The following EIF4G3 variants were observed in gnomAD, a reference collection of about 807,000 sequenced individuals.
The protein encoded by EIF4G3 is eIF-4-gamma 3.
In EIF4G3, 34 loss-of-function variants were observed where a neutral mutation model predicts 186.4. That is an observed-to-expected ratio of 0.18 (90% confidence interval 0.14 to 0.24). EIF4G3 has a LOEUF of 0.24. Among genes scored for constraint, EIF4G3 ranks in the 10% least tolerant of loss-of-function variants. EIF4G3 has a pLI of 1.00. For synonymous variants in EIF4G3, 673 were observed against 679.5 expected, an observed-to-expected ratio of 0.99 and a Z score of 0.15; for missense variants, 1,536 against 1,948.5, an observed-to-expected ratio of 0.79 and a Z score of 3.99.
At chr1:20,964,023 T>G (rs966068444) in intron 12 of EIF4G3, among the ~76,000 whole-genome samples, 5 of 152,166 alleles carry the variant, frequency 3.3e-5, no homozygotes, top group African/African-American at 4.8e-5. Context: ...GTATTTATTT[T>G]TACACTACCG....
intron 4 of EIF4G3, among the ~76,000 whole-genome samples, chr1:21,006,740 G>A (rs2085187624): frequency 1.3e-5 from 2 of 152,136 alleles, no homozygotes; most frequent in Non-Finnish European, 2.9e-5. Flanking sequence ...GGCAGAAATG[G>A]TGAATTCCAT....
intron 14 of EIF4G3, among the ~76,000 whole-genome samples, chr1:20,913,109 A>G (rs149010475): frequency 1.3e-5 from 2 of 152,314 alleles, no homozygotes; most frequent in African/African-American, 4.8e-5. Flanking sequence ...GTTATTTGAA[A>G]TGTATGTTGA....
intron 31 of EIF4G3, among the ~76,000 whole-genome samples, chr1:20,828,327 G>T (rs2064201984): frequency 6.6e-6 from 1 of 152,068 alleles, no homozygotes; most frequent in Non-Finnish European, 1.5e-5. Context: ...ATTGCGTCTG[G>T]CCATATATAA....
chr1:20,817,287 TAAAAATAA>T, intron 34 of EIF4G3, 97 bp downstream of exon 34: 15 of 368,076 alleles, frequency 4.1e-5, no homozygotes, highest in Non-Finnish European at 5.2e-5. Flanking sequence ...TAAAAAAAAA[TAAAAATAA>T]AAATTCATGA....
chr1:21,120,555 G>A (rs1414821148), intron 2 of EIF4G3, among the ~76,000 whole-genome samples: 5 of 150,436 alleles, frequency 3.3e-5, no homozygotes, highest in Non-Finnish European at 3.0e-5. Flanking sequence ...GAACCCAGGA[G>A]GCAGAGGCTG....
chr1:20,895,396 G>C lies in EIF4G3; in HGVS notation c.2105C>G (p.Pro702Arg). 6.2e-7 allele frequency: 1 copy of C among 1,613,980 alleles called. No individual in the cohort carries two copies. Among genetic ancestry groups the C allele is most frequent in the Non-Finnish European group, 8.5e-7 (1 of 1,179,902 alleles). Residue 702 changes from proline to arginine, a missense_variant, in exon 17 of 37, where the codon CCT (proline) becomes CGT (arginine). Pro to Arg is a moderately radical substitution (Grantham distance 103). This residue lies in a region of EIF4G3 where 139 missense variants were observed against 192.8 expected (regional missense o/e 0.72). Transcript: ENST00000602326. ...GTCAAGAACCACATCACTGATAGGA[G>C]GCAGGCCCTCTGGTTTTTGTATACA... ...PACIQKPEGLPPISDVVLDKI... is the reference protein window; with the variant it reads ...PACIQKPEGLRPISDVVLDKI...
At chr1:20,843,296 A>T (rs2069397684) in intron 29 of EIF4G3, among the ~76,000 whole-genome samples, 1 of 152,042 alleles carries the variant, frequency 6.6e-6, no homozygotes. Flanking sequence ...CGGGCAGATC[A>T]TTTGAGGTTC....
At chr1:20,962,487 C>A (rs2073545110) in intron 12 of EIF4G3, among the ~76,000 whole-genome samples, 1 of 152,092 alleles carries the variant, frequency 6.6e-6, no homozygotes, top group African/African-American at 2.4e-5. Flanking sequence ...ACCACAGCTG[C>A]AGATCTCAAT....
chr1:21,056,352 T>C (rs2094561590), intron 3 of EIF4G3, among the ~76,000 whole-genome samples: 1 of 152,212 alleles, frequency 6.6e-6, no homozygotes, highest in Non-Finnish European at 1.5e-5. Flanking sequence ...TCAGCTTCAC[T>C]GTGCTCTATT....
At chr1:21,117,798 T>C (rs2096855164) in intron 2 of EIF4G3, among the ~76,000 whole-genome samples, 1 of 147,652 alleles carries the variant, frequency 6.8e-6, no homozygotes, top group South Asian at 2.1e-4. Flanking sequence ...AGTTCGCCTC[T>C]TTAGGGGATA....
intron 3 of EIF4G3, among the ~76,000 whole-genome samples, chr1:21,071,698 C>A (rs1420614997): frequency 6.6e-6 from 1 of 151,050 alleles, no homozygotes; most frequent in East Asian, 2.0e-4. Flanking sequence ...CCCAGCTACT[C>A]AGGAGGCTGA....
intron 4 of EIF4G3, among the ~76,000 whole-genome samples, chr1:21,046,279 T>C (rs1407844684): frequency 2.6e-5 from 4 of 152,220 alleles, no homozygotes; most frequent in African/African-American, 9.6e-5. Context: ...TCTAAAGTCT[T>C]TGACTAATTA....
chr1:21,158,802 T>C (rs1359173339), intron 2 of EIF4G3, among the ~76,000 whole-genome samples: 3 of 152,074 alleles, frequency 2.0e-5, no homozygotes, highest in Non-Finnish European at 4.4e-5. Flanking sequence ...CAAAGATAAC[T>C]AGAGTACATT....
Position 20,923,392 on chromosome 1 carries a change from C to T in EIF4G3, c.1663+18099G>A, listed in dbSNP as rs183952022. Among the ~76,000 whole-genome samples the T allele has an allele frequency of 1.2e-4, 18 of 152,222 alleles. No individual in the cohort carries two copies. In the South Asian group the frequency reaches 2.1e-3, roughly 18 times the overall value. On this transcript the variant is annotated intron_variant, in intron 14 of 36. Coordinates refer to ENST00000602326, the MANE Select transcript of EIF4G3 (RefSeq NM_001391906.1). ...ATCTTCTAGGCCTCTGTTTTTACTG[C>T]TCTGTGTTTTAGGCACTTTTGCATT...
intron 2 of EIF4G3, among the ~76,000 whole-genome samples, chr1:21,092,135 A>G (rs1408050443): frequency 6.6e-6 from 1 of 152,160 alleles, no homozygotes; most frequent in African/African-American, 2.4e-5. Flanking sequence ...GGTTTGTCAT[A>G]AATAGCTCTT....
intron 29 of EIF4G3, among the ~76,000 whole-genome samples, chr1:20,849,169 T>C (rs2072385550): frequency 6.6e-6 from 1 of 151,990 alleles, no homozygotes; most frequent in Non-Finnish European, 1.5e-5. Context: ...TGGTTTTCCC[T>C]TAGTGGGGAT....
chr1:21,044,202 A>G (rs982788533), intron 4 of EIF4G3, among the ~76,000 whole-genome samples: 1 of 152,150 alleles, frequency 6.6e-6, no homozygotes, highest in African/African-American at 2.4e-5. Flanking sequence ...AGTTGATAAT[A>G]TGTGTAAGTT....
At chr1:20,940,759 A>G (rs1435439169) in intron 14 of EIF4G3, among the ~76,000 whole-genome samples, 1 of 152,234 alleles carries the variant, frequency 6.6e-6, no homozygotes, top group Non-Finnish European at 1.5e-5. Context: ...CTTATCCTAG[A>G]ATAGCTGATA....
intron 7 of EIF4G3, among the ~76,000 whole-genome samples, chr1:20,994,346 A>G (rs1274488828): frequency 6.6e-6 from 1 of 152,138 alleles, no homozygotes; most frequent in Non-Finnish European, 1.5e-5. Flanking sequence ...CTCCAACCCC[A>G]TGTCTTTCTT....
Sources: gnomAD v4.1 joint callset for allele counts (sites outside exome capture counted in the v4.1 genomes callset) on GRCh38, gnomAD v4.1.1 for gene constraint, gnomAD v4.1.1 regional missense constraint, MANE v1.5 for transcripts, NCBI Gene and HGNC (gene_info 2026-07-23, HGNC 2026-07-21) for gene names.